The following CCDC32 variants were observed in gnomAD, a reference collection of about 807,000 sequenced individuals.
CCDC32 encodes the protein coiled-coil domain containing 32, also known as coiled-coil domain-containing protein 32.
CCDC32 carries 9 observed loss-of-function variants against 20.1 expected under a neutral mutation model. The ratio of observed to expected loss-of-function variants is 0.45; its 90% confidence interval spans 0.27 to 0.78. CCDC32 has a LOEUF of 0.78. CCDC32 is among the 30% of genes least tolerant of loss of function. The pLI is 0.16. For synonymous variants in CCDC32, 63 were observed against 79.0 expected (o/e 0.80, Z 1.07); for missense variants, 204 against 215.5 (o/e 0.95, Z 0.33).
rs371914844 is a variant in CCDC32, at chr15:40,562,761, G to T, written c.244+11C>A. ...AACTTCAATATGCTTCCCTAGAGCC[G>T]TCAAACTTACCTAGAGATGCTAAAT... On this transcript the variant is annotated intron_variant, in intron 2 of 3. Transcript: ENST00000416810. The T allele has an allele frequency of 6.2e-7, 1 of 1,608,700 alleles. No homozygotes were observed.
downstream of CCDC32, chr15:40,528,593 G>A: frequency 3.3e-6 from 2 of 598,702 alleles, no homozygotes. Flanking sequence ...CTCAAATCCA[G>A]GGAGGGGAAG....
downstream of CCDC32, chr15:40,537,792 A>G (rs538123721): frequency 1.4e-4 from 21 of 152,402 alleles, no homozygotes; most frequent in Admixed American, 7.8e-4. Context: ...TCTACTAAAA[A>G]TAGAAAAATT....
downstream of CCDC32, among the ~76,000 whole-genome samples, chr15:40,533,243 G>A (rs1888961623): frequency 6.6e-6 from 1 of 152,104 alleles, no homozygotes; most frequent in South Asian, 2.1e-4. Context: ...TGTCAGGGTC[G>A]GGGGCAGATG....
intron 2 of CCDC32, among the ~76,000 whole-genome samples, chr15:40,560,959 T>TAA (rs758784502): frequency 6.6e-6 from 1 of 152,184 alleles, no homozygotes; most frequent in Non-Finnish European, 1.5e-5. Context: ...GGAACCAACC[T>TAA]AAGTGCCCAT....
At position 40,564,878 on chromosome 15, in the gene CCDC32, C is replaced by A. The variant is rs1035470105; in HGVS notation, c.-13+98G>T. Reference sequence around the variant, plus strand: ...GCTCAGGTCTCTAGGGCTGTCTGGACGGGATGAATCAGGTCCCAAGGCCTC... The same window carrying A: ...GCTCAGGTCTCTAGGGCTGTCTGGAAGGGATGAATCAGGTCCCAAGGCCTC... On this transcript the variant is annotated intron_variant, in intron 1 of 3. Coordinates refer to ENST00000416810, the MANE Select transcript of CCDC32 (RefSeq NM_001080792.4). 2.0e-5 allele frequency: 30 copies of A among 1,511,554 alleles called. No homozygotes were observed. In the South Asian group the frequency reaches 3.2e-4, roughly 16 times the overall value. 93.6% of individuals were successfully genotyped at this position (1,511,554 alleles called of 1,614,324 possible).
chr15:40,551,292 G>T (rs1889849847), downstream of CCDC32, among the ~76,000 whole-genome samples: 1 of 152,040 alleles, frequency 6.6e-6, no homozygotes, highest in African/African-American at 2.4e-5. Context: ...TGAGGCAGGA[G>T]AATGGTGTGA....
At chr15:40,554,499 C>T (rs967320730) in intron 3 of CCDC32, among the ~76,000 whole-genome samples, 2 of 152,126 alleles carry the variant, frequency 1.3e-5, no homozygotes, top group Admixed American at 6.5e-5. Flanking sequence ...AAGAAACACT[C>T]AAATAAATAC....
chr15:40,564,869 C>T (rs1890916835), intron 1 of CCDC32, 107 bp downstream of exon 1: 4 of 1,550,492 alleles, frequency 2.6e-6, no homozygotes, highest in African/African-American at 2.7e-5. Context: ...GTCTCTAGGG[C>T]TGTCTGGACG....
At chr15:40,552,510 G>A (rs1415396726), downstream of CCDC32, among the ~76,000 whole-genome samples, 4 of 141,084 alleles carry the variant, frequency 2.8e-5, no homozygotes, top group Admixed American at 7.2e-5. Context: ...AAAGAGGAAA[G>A]TATATTTGAA....
downstream of CCDC32, among the ~76,000 whole-genome samples, chr15:40,533,133 T>C (rs891831470): frequency 6.6e-6 from 1 of 152,160 alleles, no homozygotes; most frequent in Non-Finnish European, 1.5e-5. Flanking sequence ...GGCATTATCT[T>C]GTTTGACCCT....
downstream of CCDC32, among the ~76,000 whole-genome samples, chr15:40,548,912 A>G (rs1232506940): frequency 1.3e-5 from 2 of 152,210 alleles, no homozygotes; most frequent in Non-Finnish European, 2.9e-5. Context: ...CTGGAACATG[A>G]ATGAGTGGGA....
At position 40,553,829 on chromosome 15, in the gene CCDC32, T is replaced by A; in HGVS notation, c.*142A>T. ...TTTGTGGAGTGGAAATTTGGGTTTTTTCCTTCAGTGGATTTCTCCCTGCTG... is the reference window on the plus strand; with the variant it reads ...TTTGTGGAGTGGAAATTTGGGTTTTATCCTTCAGTGGATTTCTCCCTGCTG... On this transcript the variant is annotated 3_prime_UTR_variant, in exon 4 of 4. Transcript: ENST00000416810. The A allele has an allele frequency of 1.4e-6, 2 of 1,401,020 alleles. No individual in the cohort carries two copies. The highest frequency in any genetic ancestry group is 1.9e-6 in the Non-Finnish European group (2 of 1,076,610). 86.8% of individuals were successfully genotyped at this position (1,401,020 alleles called of 1,614,324 possible).
downstream of CCDC32, among the ~76,000 whole-genome samples, chr15:40,551,329 C>A (rs2141625864): frequency 6.6e-6 from 1 of 152,072 alleles, no homozygotes; most frequent in Non-Finnish European, 1.5e-5. Context: ...TTGCAGTGAG[C>A]CAAGATGGCG....
At position 40,562,630 on chromosome 15, in the gene CCDC32, T is replaced by C. The variant is rs2141658706; in HGVS notation, c.244+142A>G. 4.2e-6 allele frequency: 4 copies of C among 955,320 alleles called. No individual in the cohort carries two copies. In the South Asian group the frequency reaches 6.6e-5, roughly 16 times the overall value. The allele number at this position is 955,320 out of a possible 1,614,324, so 59.2% of individuals were successfully genotyped here. On this transcript the variant is annotated intron_variant, in intron 2 of 3. Transcript: ENST00000416810. ...ATCTGTTCAAGGAAAAGGGGGCTGCTTCCCAACAGCCGGCTTGAAACATCC... is the reference window on the plus strand; with the variant it reads ...ATCTGTTCAAGGAAAAGGGGGCTGCCTCCCAACAGCCGGCTTGAAACATCC...
intron 3 of CCDC32, among the ~76,000 whole-genome samples, chr15:40,539,882 C>CACACACACACACA (rs1555413885): frequency 3.0e-5 from 2 of 67,190 alleles, no homozygotes; most frequent in Non-Finnish European, 7.2e-5. Context: ...ACACACACAC[C>CACACACACACACA]CCGCTCCTTG....
intron 3 of CCDC32, among the ~76,000 whole-genome samples, chr15:40,541,056 G>A (rs1212771424): frequency 6.6e-6 from 1 of 152,212 alleles, no homozygotes; most frequent in Non-Finnish European, 1.5e-5. Flanking sequence ...CCTGGCCTGG[G>A]CGGGAAAGAG....
chr15:40,532,052 G>A (rs775479584), downstream of CCDC32: 35 of 422,168 alleles, frequency 8.3e-5, no homozygotes, highest in Middle Eastern at 8.6e-4. Context: ...TAATGTCCAC[G>A]AAGATGCCAA....
At chr15:40,523,504 C>CA in the CCDC32 span, among the ~76,000 whole-genome samples, 224 of 88,230 alleles carry the variant, frequency 2.5e-3, 1 homozygote, top group South Asian at 6.1e-3. Context: ...AACTCCATCT[C>CA]AAAAAAAAAA....
At chr15:40,523,127 C>A in the CCDC32 span, among the ~76,000 whole-genome samples, 1 of 151,722 alleles carries the variant, frequency 6.6e-6, no homozygotes, top group Non-Finnish European at 1.5e-5. Context: ...ACTAAGTGAT[C>A]CACCCACCTC....
Sources: gnomAD v4.1 joint callset for allele counts (sites outside exome capture counted in the v4.1 genomes callset) on GRCh38, gnomAD v4.1.1 for gene constraint, MANE v1.5 for transcripts, NCBI Gene and HGNC (gene_info 2026-07-23, HGNC 2026-07-21) for gene names.